The following PIEZO1 variants were observed in gnomAD, a reference collection of about 807,000 sequenced individuals.
PIEZO1 encodes the protein piezo type mechanosensitive ion channel component 1 (Er blood group), also known as piezo-type mechanosensitive ion channel component 1.
A neutral mutation model predicts 297.2 loss-of-function variants in PIEZO1; 296 were observed. That is an observed-to-expected ratio of 1.00 (90% confidence interval 0.91 to 1.10). The LOEUF (loss-of-function observed/expected upper bound fraction) is 1.10, where lower values mean the gene tolerates loss of function less well. Ranked by LOEUF, PIEZO1 falls within the 50% of genes least tolerant of loss-of-function variation. PIEZO1 has a pLI of 0.00. For missense variants in PIEZO1, 5,018 were observed against 3,455.5 expected, an observed-to-expected ratio of 1.45 and a Z score of -11.34; for synonymous variants, 2,427 against 1,507.5, an observed-to-expected ratio of 1.61 and a Z score of -14.13.
In PIEZO1 at chr16:88,749,398, C is replaced by T. The variant is rs779186692; in HGVS notation, c.146G>A (p.Arg49Gln). The T allele has an allele frequency of 2.9e-5, 44 of 1,510,220 alleles. No individual in the cohort carries two copies. Among genetic ancestry groups the T allele is most frequent in the Non-Finnish European group, 3.3e-5 (38 of 1,136,676 alleles). 93.6% of individuals were successfully genotyped at this position (1,510,220 alleles called of 1,614,324 possible). Reference sequence around the variant, plus strand: ...CCTGGCCTTACCTTGGAGGCCGCATCGGGTGGGGCCGGGGAACCAGGGCAG... The same window carrying T: ...CCTGGCCTTACCTTGGAGGCCGCATTGGGTGGGGCCGGGGAACCAGGGCAG... ...LLLPWFPGPT[R>Q]CGLQGHTGRL... Residue 49 changes from arginine to glutamine, a missense_variant, in exon 2 of 51, where the codon CGA becomes CAA. Physicochemically the swap from Arg to Gln is conservative, Grantham distance 43. Transcript: ENST00000301015.
chr16:88,727,000 TC>T, intron 24 of PIEZO1, 38 bp downstream of exon 24: 1 of 1,548,740 alleles, frequency 6.5e-7, no homozygotes, highest in Non-Finnish European at 8.7e-7. Flanking sequence ...CGGCCACCCC[TC>T]CCAGAAGGTT....
At position 88,722,684 on chromosome 16, in the gene PIEZO1, G is replaced by A. The variant is rs764192930; in HGVS notation, c.4674C>T (p.Gly1558=). 6.0e-5 allele frequency: 92 copies of A among 1,536,968 alleles called. 1 individual carries two copies. In the Admixed American group the frequency reaches 1.5e-3, roughly 26 times the overall value. Residue 1558 remains glycine (G), a synonymous_variant, in exon 35 of 51, where the codon GGC becomes GGT. Transcript: ENST00000301015. ...GATCCAGCACGCCCCTGTGCACTTC[G>A]CCGCCCTGCAGGGCACAGCAGGGGG... ...YLLTQELLQG[G]EVHRGVLDQL... is the part of the protein sequence containing the mutation.
intron 3 of PIEZO1, 72 bp from the exon 4 acceptor site, chr16:88,742,167 C>T (rs1283321083): frequency 1.5e-5 from 23 of 1,520,372 alleles, no homozygotes; most frequent in African/African-American, 2.7e-5. Flanking sequence ...ATCCCTGGAG[C>T]GTTTCACCTG....
In PIEZO1 at chr16:88,716,185, C is replaced by T. The variant is rs751616957; in HGVS notation, c.7129+13G>A. On this transcript the variant is annotated intron_variant, in intron 49 of 50. Coordinates refer to ENST00000301015, the MANE Select transcript of PIEZO1 (RefSeq NM_001142864.4). ...CCTCTCTAGCCTCCCCCAACCCCCA[C>T]GCCCATACTCACTGGGCTGCAGCTG... is the stretch of plus-strand genomic sequence containing the variant. 112 of 1,506,364 alleles carry T rather than the reference C, an allele frequency of 7.4e-5. 1 individual carries two copies. The highest frequency in any genetic ancestry group is 1.8e-4 in the South Asian group (14 of 77,200). The allele number at this position is 1,506,364 out of a possible 1,614,324, so 93.3% of individuals were successfully genotyped here.
chr16:88,731,537 G>A (rs571158953), intron 22 of PIEZO1, 169 bp downstream of exon 22: 120 of 599,848 alleles, frequency 2.0e-4, no homozygotes, highest in Middle Eastern at 4.4e-4. Context: ...CCGAGAGACA[G>A]GATGCAGGTG....
chr16:88,723,446 C>T, intron 31 of PIEZO1, 118 bp from the exon 32 acceptor site: 5 of 1,166,084 alleles, frequency 4.3e-6, no homozygotes, highest in South Asian at 1.5e-5. Context: ...CTCCCAGGGA[C>T]CTCCGTGTCC....
chr16:88,726,532 G>A lies in PIEZO1; in HGVS notation c.3796+15C>T, dbSNP rs766740755. ...CTTCCCCACGCCCTCCCCCGCCACC[G>A]TCCTGGCCACTCACGGTCATAGTAG... On this transcript the variant is annotated intron_variant, in intron 26 of 50. Transcript: ENST00000301015. 3.8e-5 allele frequency: 59 copies of A among 1,548,116 alleles called. No individual in the cohort carries two copies. Among genetic ancestry groups the A allele is most frequent in the South Asian group, 3.2e-4 (27 of 84,042 alleles).
At chr16:88,736,004 G>T in intron 12 of PIEZO1, 144 bp downstream of exon 12, 1 of 794,770 alleles carries the variant, frequency 1.3e-6, no homozygotes, top group Non-Finnish European at 2.0e-6. Context: ...CTCTGGGCTG[G>T]CTCTGGGTGG....
intron 44 of PIEZO1, chr16:88,718,418 G>C (rs1420842079): frequency 6.6e-6 from 1 of 152,400 alleles, no homozygotes; most frequent in African/African-American, 2.4e-5. Context: ...GTACACCGGC[G>C]TGCCTGGCAG....
Position 88,735,140 on chromosome 16 carries a change from T to C in PIEZO1, c.1664A>G (p.Asp555Gly). ...GCCTCTGGCCCACCACTCACCTGTG[T>C]CTGCCACGGTGACCTCCGTCAGCGC... The part of the protein sequence containing the change: ...PAALTEVTVA[D>G]TEPTRTQTLL... The change falls in exon 13 of 51, where the codon GAC becomes GGC. Residue 555 changes from aspartate to glycine, a missense_variant. Coordinates refer to ENST00000301015, the MANE Select transcript of PIEZO1 (RefSeq NM_001142864.4). The C allele has an allele frequency of 1.3e-6, 2 of 1,549,852 alleles. No individual in the cohort carries two copies. The highest frequency in any genetic ancestry group is 1.7e-6 in the Non-Finnish European group (2 of 1,146,472).
chr16:88,719,581 G>C lies in PIEZO1; in HGVS notation c.6464C>G (p.Thr2155Arg), dbSNP rs1244932232. The change falls in exon 44 of 51, where the codon ACA (threonine) becomes AGA (arginine). Residue 2155 changes from threonine (T) to arginine (R), a missense_variant. Transcript: ENST00000301015. ...CGCCCTGGGCCCAGGCACCTTCTCT[G>C]TCTCTCGGCTGCATTTGATGATGAA... ...NIFIIKCSRE[T>R]EKKYPQPKGQ... The C allele has an allele frequency of 6.4e-7, 1 of 1,550,692 alleles. No homozygotes were observed.
At chr16:88,764,418 G>A (rs1907072697) in intron 1 of PIEZO1, among the ~76,000 whole-genome samples, 1 of 152,164 alleles carries the variant, frequency 6.6e-6, no homozygotes, top group Non-Finnish European at 1.5e-5. Flanking sequence ...TGTCCTCTGG[G>A]AAACATGAAC....
intron 22 of PIEZO1, among the ~76,000 whole-genome samples, chr16:88,730,008 G>A (rs956854384): frequency 1.3e-5 from 2 of 152,284 alleles, no homozygotes; most frequent in Non-Finnish European, 2.9e-5. Flanking sequence ...GGAGGCAGAA[G>A]AAGGGGAGCT....
intron 1 of PIEZO1, among the ~76,000 whole-genome samples, chr16:88,769,515 C>T (rs1231225196): frequency 1.3e-5 from 2 of 152,200 alleles, no homozygotes; most frequent in Admixed American, 6.5e-5. Context: ...CGGAACGCCT[C>T]GGCAGCAATG....
intron 2 of PIEZO1, 149 bp from the exon 3 acceptor site, chr16:88,742,571 G>GC: frequency 1.3e-6 from 1 of 778,878 alleles, no homozygotes; most frequent in Non-Finnish European, 2.0e-6. Flanking sequence ...CATCAGGCAG[G>GC]CCGGCCAGCC....
intron 1 of PIEZO1, among the ~76,000 whole-genome samples, chr16:88,756,994 T>C (rs2142877146): frequency 6.6e-6 from 1 of 152,026 alleles, no homozygotes; most frequent in Non-Finnish European, 1.5e-5. Context: ...GAGAATGGCG[T>C]GAACCCAGGA....
chr16:88,779,104 C>T (rs1012199972), intron 1 of PIEZO1, among the ~76,000 whole-genome samples: 2 of 150,340 alleles, frequency 1.3e-5, no homozygotes, highest in Admixed American at 6.6e-5. Context: ...TGCAGTGGCA[C>T]GACTGTGGCT....
At chr16:88,722,774 G>C in intron 34 of PIEZO1, 63 bp downstream of exon 34, 1 of 1,530,038 alleles carries the variant, frequency 6.5e-7, no homozygotes, top group Non-Finnish European at 8.8e-7. Flanking sequence ...GGACTAGGCT[G>C]TTAAGCAGGC....
At chr16:88,784,198 A>T (rs1908065961) in intron 1 of PIEZO1, among the ~76,000 whole-genome samples, 1 of 152,294 alleles carries the variant, frequency 6.6e-6, no homozygotes, top group Admixed American at 6.5e-5. Flanking sequence ...CCCCGCCCTG[A>T]CACCAGGCCA....
Sources: gnomAD v4.1 joint callset for allele counts (sites outside exome capture counted in the v4.1 genomes callset) on GRCh38, gnomAD v4.1.1 for gene constraint, MANE v1.5 for transcripts, NCBI Gene and HGNC (gene_info 2026-07-23, HGNC 2026-07-21) for gene names.